The following DNAH9 variants were observed in gnomAD, a reference collection of about 807,000 sequenced individuals.
The protein encoded by DNAH9 is dynein axonemal heavy chain 9, also known as DNAH9 variant protein.
DNAH9 carries 345 observed loss-of-function variants against 471.6 expected under a neutral mutation model. The observed-to-expected ratio is 0.73, with a 90% CI of 0.67 to 0.80. DNAH9 has a LOEUF of 0.80. Among genes scored for constraint, DNAH9 ranks in the 30% least tolerant of loss-of-function variants. The probability of loss-of-function intolerance (pLI) is 0.00; values close to 1 mark genes in which losing one functional copy is unlikely to be tolerated. For synonymous variants in DNAH9, 2,093 were observed against 2,123.6 expected (o/e 0.99, Z 0.40); for missense variants, 5,407 against 5,609.2 (o/e 0.96, Z 1.15).
intron 30 of DNAH9, 106 bp from the exon 31 acceptor site, chr17:11,744,691 C>A: frequency 1.0e-6 from 1 of 983,300 alleles, no homozygotes; most frequent in East Asian, 2.4e-5. Flanking sequence ...TCTGTCCAGG[C>A]TTCAGAGGTG....
At chr17:11,888,698 A>C (rs1218684588) in intron 57 of DNAH9, among the ~76,000 whole-genome samples, 1 of 152,230 alleles carries the variant, frequency 6.6e-6, no homozygotes, top group African/African-American at 2.4e-5. Flanking sequence ...CTGCTTTATG[A>C]TAAGTAGCTG....
chr17:11,824,052 C>T (rs186909814), intron 48 of DNAH9, among the ~76,000 whole-genome samples: 190 of 152,260 alleles, frequency 1.2e-3, no homozygotes, highest in Middle Eastern at 6.8e-3. Context: ...CTCATCTTCC[C>T]TTGGGAGTTG....
At chr17:11,599,028 C>T (rs2072328036) in intron 1 of DNAH9, 113 bp downstream of exon 1, 3 of 917,394 alleles carry the variant, frequency 3.3e-6, no homozygotes, top group African/African-American at 1.8e-5. Flanking sequence ...CAGGGGAGGT[C>T]CAAGAGGCGG....
In DNAH9 at chr17:11,617,700, G is replaced by A. The variant is rs1183101587; in HGVS notation, c.1116+78G>A. ...TAGTCACAGGAGAGAAGAGACAAGT[G>A]TCCTTTTTTCTGGGCGAGGAAATAA... On this transcript the variant is annotated intron_variant, in intron 5 of 68. Coordinates refer to ENST00000262442, the MANE Select transcript of DNAH9 (RefSeq NM_001372.4). The A allele has an allele frequency of 3.8e-6, 4 of 1,043,180 alleles. No individual in the cohort carries two copies. In the Admixed American group the frequency reaches 5.8e-5, roughly 15 times the overall value. The allele number at this position is 1,043,180 out of a possible 1,614,324, so 64.6% of individuals were successfully genotyped here.
At chr17:11,941,392 T>A (rs1974902801) in intron 66 of DNAH9, among the ~76,000 whole-genome samples, 1 of 152,174 alleles carries the variant, frequency 6.6e-6, no homozygotes, top group Non-Finnish European at 1.5e-5. Flanking sequence ...TCTGCACTTT[T>A]CATTTTTCTT....
At chr17:11,831,523 A>G (rs1333532153) in intron 48 of DNAH9, among the ~76,000 whole-genome samples, 1 of 152,024 alleles carries the variant, frequency 6.6e-6, no homozygotes, top group Non-Finnish European at 1.5e-5. Context: ...TCAATTTTCA[A>G]CATGAGGTTT....
intron 2 of DNAH9, among the ~76,000 whole-genome samples, chr17:11,608,664 C>T (rs1013640133): frequency 2.0e-5 from 3 of 152,200 alleles, no homozygotes; most frequent in Non-Finnish European, 4.4e-5. Context: ...GACCCAGGTC[C>T]AGTCTGGGAG....
rs773414370 is a variant in DNAH9 at position 11,854,376 on chromosome 17, C to T, written c.9881C>T (p.Ala3294Val). The T allele has an allele frequency of 1.6e-5, 26 of 1,613,974 alleles. No homozygotes were observed. The highest frequency in any genetic ancestry group is 9.3e-5 in the African/African-American group (7 of 74,890). Reference protein sequence around the residue: ...PKRQALNKATADLTAAQEKLA... With the variant: ...PKRQALNKATVDLTAAQEKLA... ...CGCCAGGCACTGAACAAAGCCACCG[C>T]GGACCTCACAGCTGCCCAGGAGAAG... The change falls in exon 50 of 69, where the codon GCG (alanine) becomes GTG (valine). Residue 3294 changes from alanine (A) to valine (V), a missense_variant. Coordinates refer to ENST00000262442, the MANE Select transcript of DNAH9 (RefSeq NM_001372.4).
rs1280412075 is a variant in DNAH9, at chr17:11,619,762, G to A, written c.1331G>A (p.Gly444Glu). The change falls in exon 6 of 69, where the codon GGA becomes GAA. Residue 444 changes from glycine to glutamate, a missense_variant. This residue lies in a region of DNAH9 where 767 missense variants were observed against 692.5 expected (regional missense o/e 1.11). Coordinates refer to ENST00000262442, the MANE Select transcript of DNAH9 (RefSeq NM_001372.4). ...TTTGTGCGATTGGATGGCTTCCTGG[G>A]ACAACTGCACGTGGTGGAGGTGAGT... ...LVFVRLDGFL[G>E]QLHVVEGLLK... is the part of the protein sequence containing the mutation. 6.2e-7 allele frequency: 1 copy of A among 1,611,708 alleles called. No individual in the cohort carries two copies. The highest frequency in any genetic ancestry group is 1.7e-5 in the Admixed American group (1 of 59,998).
At chr17:11,730,713 C>T (rs2075244326) in intron 28 of DNAH9, among the ~76,000 whole-genome samples, 1 of 152,016 alleles carries the variant, frequency 6.6e-6, no homozygotes, top group Admixed American at 6.6e-5. Context: ...AGAATAGTCA[C>T]TCAATAAATG....
chr17:11,651,168 C>T lies in DNAH9; in HGVS notation c.2197C>T (p.Arg733Trp), dbSNP rs762683092. ...AAMFSSRDFY[R>W]QLVANLELMA... ...CATGTTCTCCTCCAGGGATTTCTATCGGCAGCTTGTGGCTAATTTAGAGTT... is the reference window on the plus strand; with the variant it reads ...CATGTTCTCCTCCAGGGATTTCTATTGGCAGCTTGTGGCTAATTTAGAGTT... The change falls in exon 13 of 69, where the codon CGG becomes TGG. Residue 733 changes from arginine (R) to tryptophan (W), a missense_variant. Arg to Trp is a moderately radical substitution (Grantham distance 101, BLOSUM62 -3). Coordinates refer to ENST00000262442, the MANE Select transcript of DNAH9 (RefSeq NM_001372.4). 2.7e-5 allele frequency: 43 copies of T among 1,613,980 alleles called. No homozygotes were observed. The highest frequency in any genetic ancestry group is 6.6e-5 in the South Asian group (6 of 91,088).
intron 20 of DNAH9, among the ~76,000 whole-genome samples, chr17:11,692,409 T>C (rs943640687): frequency 6.6e-6 from 1 of 152,186 alleles, no homozygotes; most frequent in Non-Finnish European, 1.5e-5. Context: ...CATATATTAG[T>C]CTGTCAATCA....
chr17:11,796,160 CA>C (rs1168936950), intron 42 of DNAH9, among the ~76,000 whole-genome samples: 1 of 152,200 alleles, frequency 6.6e-6, no homozygotes, highest in Non-Finnish European at 1.5e-5. Flanking sequence ...TTCAAAACTG[CA>C]CTTTAGTTCC....
intron 62 of DNAH9, chr17:11,925,105 A>G: frequency 2.3e-6 from 1 of 437,582 alleles, no homozygotes; most frequent in Non-Finnish European, 4.5e-6. Context: ...TTAGAGCTCC[A>G]TTGCTACGTT....
intron 38 of DNAH9, among the ~76,000 whole-genome samples, chr17:11,778,709 T>C (rs1214506486): frequency 6.6e-6 from 1 of 151,996 alleles, no homozygotes; most frequent in Non-Finnish European, 1.5e-5. Flanking sequence ...GAAGCCACTT[T>C]GAAAATTAAA....
At chr17:11,838,221 C>T (rs1281393451) in intron 49 of DNAH9, among the ~76,000 whole-genome samples, 1 of 152,090 alleles carries the variant, frequency 6.6e-6, no homozygotes, top group African/African-American at 2.4e-5. Flanking sequence ...AAAGTAGCAG[C>T]ATAAGCATGT....
chr17:11,942,630 C>G, intron 67 of DNAH9, 145 bp downstream of exon 67: 2 of 735,202 alleles, frequency 2.7e-6, no homozygotes, highest in East Asian at 5.6e-5. Flanking sequence ...CATCACTCCC[C>G]AGAAACCACA....
intron 61 of DNAH9, among the ~76,000 whole-genome samples, chr17:11,915,700 G>T (rs1973929414): frequency 6.6e-6 from 1 of 152,130 alleles, no homozygotes; most frequent in Non-Finnish European, 1.5e-5. Context: ...GGCACAAATT[G>T]TTCTTTTTAT....
intron 36 of DNAH9, among the ~76,000 whole-genome samples, chr17:11,764,202 A>C (rs1967836635): frequency 6.6e-6 from 1 of 152,134 alleles, no homozygotes; most frequent in African/African-American, 2.4e-5. Flanking sequence ...GGAAGAAGGG[A>C]TATGTGGCTT....
Sources: gnomAD v4.1 joint callset for allele counts (sites outside exome capture counted in the v4.1 genomes callset) on GRCh38, gnomAD v4.1.1 for gene constraint, gnomAD v4.1.1 regional missense constraint, MANE v1.5 for transcripts, NCBI Gene and HGNC (gene_info 2026-07-23, HGNC 2026-07-21) for gene names.